The following HTR7 variants were observed in gnomAD, a reference collection of about 807,000 sequenced individuals.
The protein encoded by HTR7 is 5-hydroxytryptamine receptor 7, also known as 5-HT-7.
In HTR7, 16 loss-of-function variants were observed where a neutral mutation model predicts 34.0. That is an observed-to-expected ratio of 0.47 (90% CI 0.32 to 0.71). The LOEUF (loss-of-function observed/expected upper bound fraction) is 0.71. Ranked by LOEUF, HTR7 falls within the 30% of genes least tolerant of loss-of-function variation. HTR7 has a pLI of 0.04. For synonymous variants in HTR7, 265 were observed against 260.2 expected (o/e 1.02, Z -0.18); for missense variants, 504 against 625.5 (o/e 0.81, Z 2.07).
intron 1 of HTR7, among the ~76,000 whole-genome samples, chr10:90,770,961 G>A (rs1420990788): frequency 6.6e-6 from 1 of 152,158 alleles, no homozygotes; most frequent in African/African-American, 2.4e-5. Context: ...TGGACTAATG[G>A]GCACACACTT....
intron 1 of HTR7, among the ~76,000 whole-genome samples, chr10:90,797,349 T>A (rs1382656227): frequency 6.6e-6 from 1 of 152,196 alleles, no homozygotes; most frequent in Non-Finnish European, 1.5e-5. Context: ...TTTTAATATG[T>A]CTATTGTGAG....
intron 1 of HTR7, among the ~76,000 whole-genome samples, chr10:90,805,173 G>A (rs932756333): frequency 6.6e-6 from 1 of 152,126 alleles, no homozygotes; most frequent in Admixed American, 6.5e-5. Context: ...GCTGAAGACA[G>A]TTATTTACAG....
intron 1 of HTR7, among the ~76,000 whole-genome samples, chr10:90,839,181 CAG>C (rs1253447704): frequency 6.6e-6 from 1 of 152,160 alleles, no homozygotes; most frequent in Non-Finnish European, 1.5e-5. Context: ...CTGTGGAACT[CAG>C]AAAACTATCA....
At chr10:90,786,678 G>A (rs1004905548) in intron 1 of HTR7, among the ~76,000 whole-genome samples, 2 of 152,102 alleles carry the variant, frequency 1.3e-5, no homozygotes, top group Non-Finnish European at 2.9e-5. Flanking sequence ...ACATTAAAAT[G>A]CAAATTGCAG....
At chr10:90,804,427 T>A (rs1257171430) in intron 1 of HTR7, among the ~76,000 whole-genome samples, 1 of 152,198 alleles carries the variant, frequency 6.6e-6, no homozygotes, top group East Asian at 1.9e-4. Flanking sequence ...CCTCTGGGGT[T>A]CCAGAGGTTG....
intron 1 of HTR7, among the ~76,000 whole-genome samples, chr10:90,820,974 C>A (rs182007363): frequency 1.3e-5 from 2 of 152,256 alleles, no homozygotes; most frequent in East Asian, 3.9e-4. Flanking sequence ...GAAATTGAGG[C>A]TCATGTGGAA....
chr10:90,747,867 A>G (rs1489798213), intron 2 of HTR7, among the ~76,000 whole-genome samples: 1 of 152,238 alleles, frequency 6.6e-6, no homozygotes, highest in Admixed American at 6.5e-5. Context: ...AAACGTGAAG[A>G]AATCTCCTCT....
chr10:90,785,931 TG>T (rs893679014), intron 1 of HTR7, among the ~76,000 whole-genome samples: 1 of 152,154 alleles, frequency 6.6e-6, no homozygotes, highest in Non-Finnish European at 1.5e-5. Flanking sequence ...CAACCCGACC[TG>T]GGAATGTATC....
intron 1 of HTR7, among the ~76,000 whole-genome samples, chr10:90,783,733 T>C (rs1204988485): frequency 6.6e-6 from 1 of 152,214 alleles, no homozygotes; most frequent in Non-Finnish European, 1.5e-5. Context: ...TCCACCCCAT[T>C]ACTTGAATGG....
intron 1 of HTR7, among the ~76,000 whole-genome samples, chr10:90,833,068 G>T (rs1846201897): frequency 6.6e-6 from 1 of 152,210 alleles, no homozygotes. Context: ...AACTAGCACA[G>T]GTCCCTTCCA....
chr10:90,803,448 T>A (rs1223506810), intron 1 of HTR7, among the ~76,000 whole-genome samples: 8 of 152,104 alleles, frequency 5.3e-5, no homozygotes, highest in Admixed American at 5.2e-4. Flanking sequence ...TAGTTGAATA[T>A]CCCTAGGAGG....
intron 1 of HTR7, among the ~76,000 whole-genome samples, chr10:90,785,841 T>C (rs1393066588): frequency 6.6e-6 from 1 of 152,234 alleles, no homozygotes; most frequent in East Asian, 1.9e-4. Flanking sequence ...GGGCCAAGAA[T>C]ACAGCAATCC....
chr10:90,758,560 G>A (rs1353200414), intron 1 of HTR7, among the ~76,000 whole-genome samples: 1 of 152,026 alleles, frequency 6.6e-6, no homozygotes, highest in South Asian at 2.1e-4. Context: ...TAACAAGTAG[G>A]GGGGAAATTG....
At chr10:90,755,216 A>G (rs576417175) in intron 1 of HTR7, among the ~76,000 whole-genome samples, 30 of 152,348 alleles carry the variant, frequency 2.0e-4, no homozygotes, top group African/African-American at 4.8e-4. Flanking sequence ...TAGCCTAACA[A>G]AATCATTATG....
chr10:90,775,386 C>A (rs1271350545), intron 1 of HTR7, among the ~76,000 whole-genome samples: 1 of 152,046 alleles, frequency 6.6e-6, no homozygotes, highest in African/African-American at 2.4e-5. Context: ...CCAGCAGAGT[C>A]CTGCAAGAGG....
intron 1 of HTR7, among the ~76,000 whole-genome samples, chr10:90,794,142 T>C (rs1489148299): frequency 6.6e-6 from 1 of 152,150 alleles, no homozygotes; most frequent in Non-Finnish European, 1.5e-5. Flanking sequence ...TTAAACCATA[T>C]AACCAATATT....
At chr10:90,747,844 T>C (rs1463823967) in intron 2 of HTR7, among the ~76,000 whole-genome samples, 4 of 152,182 alleles carry the variant, frequency 2.6e-5, no homozygotes, top group Non-Finnish European at 4.4e-5. Flanking sequence ...AGTTTATTTT[T>C]CCCCTGACTT....
intron 1 of HTR7, among the ~76,000 whole-genome samples, chr10:90,786,500 T>C (rs995588834): frequency 9.9e-5 from 15 of 152,180 alleles, no homozygotes; most frequent in African/African-American, 3.4e-4. Context: ...ATGAAATGCT[T>C]AAATAGATGG....
chr10:90,847,423 T>C (rs112220526), intron 1 of HTR7, among the ~76,000 whole-genome samples: 2,219 of 152,264 alleles, frequency 0.015, 57 homozygotes, highest in African/African-American at 0.05. Flanking sequence ...CATCTCCTTC[T>C]CACTTTCCCA....
Sources: allele counts gnomAD v4.1 joint callset (sites outside exome capture counted in the v4.1 genomes callset), GRCh38; gene constraint gnomAD v4.1.1; transcripts MANE v1.5; gene names NCBI Gene and HGNC (gene_info 2026-07-23, HGNC 2026-07-21).